The following ERC2 variants were observed in gnomAD, a reference collection of about 807,000 sequenced individuals.
The protein encoded by ERC2 is ERC protein 2.
Under a neutral mutation model 114.8 loss-of-function variants are expected in ERC2, and 42 were observed. The observed-to-expected ratio is 0.37, with a 90% confidence interval of 0.29 to 0.47. The LOEUF is 0.47. Among genes scored for constraint, ERC2 ranks in the 20% least tolerant of loss-of-function variants. The pLI, the probability that ERC2 is intolerant of heterozygous loss-of-function variation, is 0.99. For missense variants in ERC2, 939 were observed against 1,150.7 expected (o/e 0.82, Z 2.66); for synonymous variants, 454 against 425.5 (o/e 1.07, Z -0.82).
At chr3:55,620,359 G>A (rs2059276398) in intron 17 of ERC2, among the ~76,000 whole-genome samples, 1 of 152,142 alleles carries the variant, frequency 6.6e-6, no homozygotes, top group African/African-American at 2.4e-5. Flanking sequence ...GATGTGTGGG[G>A]TTTTTAGATG....
At chr3:55,566,407 CTATTTATT>C (rs113386431) in intron 17 of ERC2, among the ~76,000 whole-genome samples, 23 of 147,984 alleles carry the variant, frequency 1.6e-4, no homozygotes, top group East Asian at 1.0e-3. Context: ...GCTGGTAATT[CTATTTATT>C]TATTTATTTA....
At chr3:55,585,046 G>GA (rs2057526676) in intron 17 of ERC2, among the ~76,000 whole-genome samples, 1 of 152,226 alleles carries the variant, frequency 6.6e-6, no homozygotes, top group Non-Finnish European at 1.5e-5. Flanking sequence ...AGAAGCTCAG[G>GA]AGGAAGCGAG....
chr3:56,465,285 G>A (rs1321256767), intron 1 of ERC2, among the ~76,000 whole-genome samples: 5 of 152,166 alleles, frequency 3.3e-5, no homozygotes, highest in Non-Finnish European at 5.9e-5. Flanking sequence ...TGTAATCCCA[G>A]CTACTTGGGA....
At chr3:56,451,068 C>T (rs1183689759) in intron 1 of ERC2, among the ~76,000 whole-genome samples, 2 of 152,128 alleles carry the variant, frequency 1.3e-5, no homozygotes, top group Non-Finnish European at 2.9e-5. Flanking sequence ...CATTTCCTTT[C>T]ATCTGCAAAT....
At chr3:55,871,586 A>G (rs1385563256) in intron 14 of ERC2, among the ~76,000 whole-genome samples, 3 of 152,244 alleles carry the variant, frequency 2.0e-5, no homozygotes, top group Non-Finnish European at 1.5e-5. Context: ...CCATTCGGCC[A>G]AGAAGTTGAA....
At chr3:56,375,592 T>A (rs2059509676) in intron 2 of ERC2, among the ~76,000 whole-genome samples, 1 of 152,120 alleles carries the variant, frequency 6.6e-6, no homozygotes, top group South Asian at 2.1e-4. Flanking sequence ...GGCAATCCAA[T>A]AGTAATAATA....
At chr3:55,514,139 G>A (rs1021703643) in intron 17 of ERC2, among the ~76,000 whole-genome samples, 7 of 152,224 alleles carry the variant, frequency 4.6e-5, no homozygotes, top group African/African-American at 1.7e-4. Context: ...GCACATGCCT[G>A]TAATCCTAGC....
intron 7 of ERC2, among the ~76,000 whole-genome samples, chr3:56,071,062 G>A (rs1354242078): frequency 3.3e-5 from 5 of 152,152 alleles, no homozygotes; most frequent in African/African-American, 9.7e-5. Context: ...CCTGTAACTT[G>A]CCTATTTAGT....
chr3:56,086,979 T>TA (rs2077537369), intron 6 of ERC2, among the ~76,000 whole-genome samples: 1 of 152,086 alleles, frequency 6.6e-6, no homozygotes, highest in African/African-American at 2.4e-5. Context: ...TAATAAAACT[T>TA]GGCAAAGCAA....
At chr3:56,044,877 T>C (rs2075380431) in intron 7 of ERC2, among the ~76,000 whole-genome samples, 1 of 152,118 alleles carries the variant, frequency 6.6e-6, no homozygotes, top group Non-Finnish European at 1.5e-5. Flanking sequence ...AATAGAAACA[T>C]TATGTCAAAG....
chr3:56,319,699 C>T (rs1435298243), intron 2 of ERC2, among the ~76,000 whole-genome samples: 2 of 151,982 alleles, frequency 1.3e-5, no homozygotes, highest in Non-Finnish European at 2.9e-5. Context: ...AGCCAGGTGC[C>T]GTAGCTCACA....
At chr3:56,295,379 G>A (rs1045431583) in intron 3 of ERC2, among the ~76,000 whole-genome samples, 1 of 152,024 alleles carries the variant, frequency 6.6e-6, no homozygotes, top group Non-Finnish European at 1.5e-5. Context: ...TCAGATACAC[G>A]AGCATCCCAA....
At chr3:56,083,044 G>T (rs776402256) in intron 6 of ERC2, among the ~76,000 whole-genome samples, 1 of 152,150 alleles carries the variant, frequency 6.6e-6, no homozygotes, top group Non-Finnish European at 1.5e-5. Flanking sequence ...GTGCCAAAAA[G>T]GTTGGGGACT....
At chr3:56,357,116 C>T (rs2058773831) in intron 2 of ERC2, among the ~76,000 whole-genome samples, 1 of 152,218 alleles carries the variant, frequency 6.6e-6, no homozygotes, top group Admixed American at 6.5e-5. Context: ...AGCAGCCATG[C>T]TTCTATATTT....
chr3:56,093,336 C>T (rs1041464522), intron 6 of ERC2, among the ~76,000 whole-genome samples: 4 of 152,166 alleles, frequency 2.6e-5, no homozygotes, highest in African/African-American at 9.7e-5. Flanking sequence ...TCAATATAGC[C>T]TTTGTGTTTG....
chr3:56,251,804 G>A (rs1352436678), intron 3 of ERC2, among the ~76,000 whole-genome samples: 6 of 152,170 alleles, frequency 3.9e-5, no homozygotes, highest in African/African-American at 9.7e-5. Context: ...GTGGCATTCC[G>A]CACTTGTATT....
intron 2 of ERC2, among the ~76,000 whole-genome samples, chr3:56,314,052 T>G (rs938773893): frequency 2.0e-5 from 3 of 152,166 alleles, no homozygotes; most frequent in African/African-American, 7.2e-5. Flanking sequence ...GTTCCTGTGT[T>G]AGTTTGCTAA....
At chr3:55,740,297 C>CATAT (rs2065898786) in intron 14 of ERC2, among the ~76,000 whole-genome samples, 1 of 152,020 alleles carries the variant, frequency 6.6e-6, no homozygotes. Flanking sequence ...AATTAATATT[C>CATAT]ATATAAAATA....
At chr3:56,263,428 C>T (rs902362733) in intron 3 of ERC2, among the ~76,000 whole-genome samples, 1 of 151,840 alleles carries the variant, frequency 6.6e-6, no homozygotes, top group African/African-American at 2.4e-5. Flanking sequence ...ATTTTCTCTG[C>T]ACCAACCCAT....
Sources: allele counts gnomAD v4.1 joint callset (sites outside exome capture counted in the v4.1 genomes callset), GRCh38; gene constraint gnomAD v4.1.1; transcripts MANE v1.5; gene names NCBI Gene and HGNC (gene_info 2026-07-23, HGNC 2026-07-21).